The following ZNF317 variants were observed in gnomAD, a reference collection of about 807,000 sequenced individuals.
ZNF317 encodes the protein KRAB-containing zinc finger protein 317.
A neutral mutation model predicts 23.4 loss-of-function variants in ZNF317; 17 were observed. The ratio of observed to expected loss-of-function variants is 0.73; its 90% CI spans 0.50 to 1.09. The LOEUF is 1.09. ZNF317 is among the 50% of genes least tolerant of loss of function. ZNF317 has a pLI of 0.00. For missense variants in ZNF317, 679 were observed against 796.7 expected (o/e 0.85, Z 1.78); for synonymous variants, 317 against 314.9 (o/e 1.01, Z -0.07).
rs967476362 is a variant in ZNF317 at position 9,140,514 on chromosome 19, T to G, written c.-171T>G. 2 of 456,552 alleles carry G rather than the reference T, an allele frequency of 4.4e-6. No individual in the cohort carries two copies. Among genetic ancestry groups the G allele is most frequent in the African/African-American group, 4.0e-5 (2 of 50,092 alleles). The allele number at this position is 456,552 out of a possible 1,614,324, so 28.3% of individuals were successfully genotyped here. On this transcript the variant is annotated 5_prime_UTR_variant, in exon 1 of 7. Transcript: ENST00000247956. ...GACCCCTCGTGTCCCCACGCCAGAC[T>G]GGACCTCCCGTATGAACTTCTCTTC...
chr19:9,161,032 G>C lies in ZNF317; in HGVS notation c.1387G>C (p.Ala463Pro), dbSNP rs777170174. The change falls in exon 7 of 7, where the codon GCA (alanine) becomes CCA (proline). Residue 463 changes from alanine to proline, a missense_variant. Ala to Pro is a conservative substitution (Grantham distance 27). Transcript: ENST00000247956. This position sits in a 1 kb window ranked among gnomAD's most constrained non-coding sequence, Gnocchi z 4.0. Reference sequence around the variant, plus strand: ...TTTCAGCGCGAGTTCAAACCTCACCGCACACAGGAAGATACACACGCAAGA... The same window carrying C: ...TTTCAGCGCGAGTTCAAACCTCACCCCACACAGGAAGATACACACGCAAGA... The part of the protein sequence containing the change: ...KAFSASSNLT[A>P]HRKIHTQERR... 6.2e-7 allele frequency: 1 copy of C among 1,613,968 alleles called. No individual in the cohort carries two copies. Among genetic ancestry groups the C allele is most frequent in the Admixed American group, 1.7e-5 (1 of 59,998 alleles).
rs1400082496 is a variant in ZNF317, at chr19:9,160,845, C to T, written c.1200C>T (p.Gly400=). The change falls in exon 7 of 7, where the codon GGC becomes GGT. Residue 400 remains glycine, a synonymous_variant. Transcript: ENST00000247956. The surrounding 1 kb of genome is among the most constrained non-coding windows in gnomAD (Gnocchi z 6.8). ...GTAAAGAATGCGGGAAATCCTTTGG[C>T]GATCTCGTGTCCCGGAGGAAACACA... The part of the protein sequence containing the change: ...YECKECGKSF[G]DLVSRRKHMR... 2.5e-6 allele frequency: 4 copies of T among 1,614,126 alleles called. No homozygotes were observed. The highest frequency in any genetic ancestry group is 2.7e-5 in the African/African-American group (2 of 75,026).
At chr19:9,142,245 G>C (rs1872847312) in intron 1 of ZNF317, among the ~76,000 whole-genome samples, 1 of 152,226 alleles carries the variant, frequency 6.6e-6, no homozygotes. Flanking sequence ...CAAGGAAAAT[G>C]TGTACAATTC....
chr19:9,160,380 C>T lies in ZNF317; in HGVS notation c.735C>T (p.Thr245=), dbSNP rs751297958. The T allele has an allele frequency of 5.8e-5, 93 of 1,614,076 alleles. 3 individuals carry two copies. The South Asian group carries it at 9.1e-4, about 16-fold the overall frequency. The change falls in exon 7 of 7, where the codon ACC becomes ACT. Residue 245 remains threonine, a synonymous_variant. Coordinates refer to ENST00000247956, the MANE Select transcript of ZNF317 (RefSeq NM_020933.5). This position sits in a 1 kb window ranked among gnomAD's most constrained non-coding sequence, Gnocchi z 6.8. ...TCACACGGCACAGGAGAATCCACAC[C>T]GGGGAGAAGCCTTACGAGTGCAGCG... The part of the protein sequence containing the change: ...ASLTRHRRIH[T]GEKPYECSDC...
chr19:9,160,643 C>G lies in ZNF317; in HGVS notation c.998C>G (p.Pro333Arg). ...AHKRTHTGER[P>R]YECHDCGKAF... The stretch of plus-strand genomic sequence containing the variant: ...AAGAGAACGCACACCGGAGAGAGGC[C>G]CTACGAGTGTCACGACTGTGGGAAA... The change falls in exon 7 of 7, where the codon CCC (proline) becomes CGC (arginine). Residue 333 changes from proline (P) to arginine (R), a missense_variant. Physicochemically the swap from Pro to Arg is moderately radical, Grantham distance 103. Transcript: ENST00000247956. This position sits in a 1 kb window ranked among gnomAD's most constrained non-coding sequence, Gnocchi z 6.8. The G allele has an allele frequency of 6.2e-7, 1 of 1,614,120 alleles. No individual in the cohort carries two copies. The highest frequency in any genetic ancestry group is 8.5e-7 in the Non-Finnish European group (1 of 1,180,030).
intron 3 of ZNF317, chr19:9,156,975 C>T (rs1002470278): frequency 3.1e-6 from 2 of 655,000 alleles, no homozygotes; most frequent in South Asian, 2.1e-5. Flanking sequence ...GGCCCTTGCT[C>T]AGCCCCAGAG....
chr19:9,158,491 C>T (rs756835304), intron 5 of ZNF317, among the ~76,000 whole-genome samples: 3 of 148,472 alleles, frequency 2.0e-5, no homozygotes, highest in Middle Eastern at 7.2e-3. Context: ...GGCATGATGC[C>T]GCCATGCCTA....
Position 9,140,521 on chromosome 19 carries a change from C to T in ZNF317, c.-164C>T. 2.2e-6 allele frequency: 1 copy of T among 456,658 alleles called. No homozygotes were observed. 28.3% of individuals were successfully genotyped at this position (456,658 alleles called of 1,614,324 possible). On this transcript the variant is annotated 5_prime_UTR_variant, in exon 1 of 7. Transcript: ENST00000247956. ...CGTGTCCCCACGCCAGACTGGACCT[C>T]CCGTATGAACTTCTCTTCGCATCGG...
intron 6 of ZNF317, among the ~76,000 whole-genome samples, chr19:9,159,494 G>A (rs2050822796): frequency 6.6e-6 from 1 of 151,830 alleles, no homozygotes. Flanking sequence ...GAGCCACCAT[G>A]CCCAGCCTCA....
intron 1 of ZNF317, among the ~76,000 whole-genome samples, chr19:9,153,976 A>G (rs936215525): frequency 6.6e-6 from 1 of 152,132 alleles, no homozygotes; most frequent in African/African-American, 2.4e-5. Flanking sequence ...TCAAGATGGG[A>G]TAGACCTGAG....
At chr19:9,142,068 AGT>A (rs2050636910) in intron 1 of ZNF317, among the ~76,000 whole-genome samples, 2 of 152,178 alleles carry the variant, frequency 1.3e-5, no homozygotes, top group Non-Finnish European at 2.9e-5. Flanking sequence ...GGCCTCCCAA[AGT>A]GCTGGGATTG....
intron 5 of ZNF317, 126 bp downstream of exon 5, chr19:9,158,201 C>A: frequency 8.0e-7 from 1 of 1,248,046 alleles, no homozygotes; most frequent in Non-Finnish European, 1.1e-6. Flanking sequence ...TCTTTTTGCC[C>A]ATCCATTCTC....
In ZNF317 at chr19:9,140,525, T is replaced by A. The variant is rs923520627; in HGVS notation, c.-160T>A. 12 of 456,486 alleles carry A rather than the reference T, an allele frequency of 2.6e-5. No homozygotes were observed. The highest frequency in any genetic ancestry group is 5.3e-5 in the Non-Finnish European group (12 of 226,940). 28.3% of individuals were successfully genotyped at this position (456,486 alleles called of 1,614,324 possible). A position where few individuals can be genotyped will look rare whatever the true frequency, so the allele number is the denominator to read the frequency against. On this transcript the variant is annotated 5_prime_UTR_variant, in exon 1 of 7. Transcript: ENST00000247956. ...TCCCCACGCCAGACTGGACCTCCCG[T>A]ATGAACTTCTCTTCGCATCGGCGGC...
chr19:9,156,075 G>A (rs573741290), intron 2 of ZNF317, 34 bp downstream of exon 2: 3 of 1,613,742 alleles, frequency 1.9e-6, no homozygotes, highest in East Asian at 4.5e-5. Flanking sequence ...CCCTGAGAAA[G>A]TGAGTGCAAG....
At chr19:9,156,529 G>A in intron 2 of ZNF317, 83 bp from the exon 3 acceptor site, 1 of 1,524,594 alleles carries the variant, frequency 6.6e-7, no homozygotes, top group African/African-American at 1.4e-5. Flanking sequence ...CAGAATCAGT[G>A]TGGAGCAGTT....
At chr19:9,159,978 T>A in intron 6 of ZNF317, 136 bp from the exon 7 acceptor site, 1 of 1,314,606 alleles carries the variant, frequency 7.6e-7, no homozygotes, top group Non-Finnish European at 1.0e-6. Flanking sequence ...GACAGCACGT[T>A]TGCACGGCAG....
intron 1 of ZNF317, among the ~76,000 whole-genome samples, chr19:9,149,890 G>A (rs182141282): frequency 8.8e-4 from 134 of 152,298 alleles, no homozygotes; most frequent in African/African-American, 2.9e-3. Flanking sequence ...GAAGAGAAGC[G>A]ATGCCTTATG....
chr19:9,147,701 T>C (rs1163443108), intron 1 of ZNF317, among the ~76,000 whole-genome samples: 1 of 152,170 alleles, frequency 6.6e-6, no homozygotes, highest in Non-Finnish European at 1.5e-5. Flanking sequence ...TCATAGATCC[T>C]ACAGCTGTTC....
Position 9,157,405 on chromosome 19 carries a change from T to G in ZNF317, c.289+11T>G, listed in dbSNP as rs982217791. 2 of 1,613,680 alleles carry G rather than the reference T, an allele frequency of 1.2e-6. No homozygotes were observed. The highest frequency in any genetic ancestry group is 2.7e-5 in the African/African-American group (2 of 74,920). ...ACCTCACTTCACTGGGTAAGGCCAG[T>G]GCCATTTCTCCACTTATTCATCCAT... is the stretch of plus-strand genomic sequence containing the variant. On this transcript the variant is annotated intron_variant, in intron 4 of 6. Coordinates refer to ENST00000247956, the MANE Select transcript of ZNF317 (RefSeq NM_020933.5).
Sources: allele counts gnomAD v4.1 joint callset (sites outside exome capture counted in the v4.1 genomes callset), GRCh38; gene constraint gnomAD v4.1.1; non-coding constraint Gnocchi (gnomAD v3.1); transcripts MANE v1.5; gene names NCBI Gene and HGNC (gene_info 2026-07-23, HGNC 2026-07-21).